The following ERC1 variants were observed in gnomAD, a reference collection of about 807,000 sequenced individuals.
ERC1 encodes the protein ELKS/RAB6-interacting/CAST family member 1.
A neutral mutation model predicts 132.0 loss-of-function variants in ERC1; 56 were observed. The observed-to-expected ratio is 0.42, with a 90% CI of 0.34 to 0.53. The LOEUF (loss-of-function observed/expected upper bound fraction) is 0.53. Among genes scored for constraint, ERC1 ranks in the 20% least tolerant of loss-of-function variants. ERC1 has a pLI of 0.03. For missense variants in ERC1, 1,202 were observed against 1,349.9 expected (o/e 0.89, Z 1.72); for synonymous variants, 478 against 476.1 (o/e 1.00, Z -0.05).
intron 17 of ERC1, among the ~76,000 whole-genome samples, chr12:1,437,228 A>G (rs1159499197): frequency 6.6e-6 from 1 of 152,136 alleles, no homozygotes; most frequent in African/African-American, 2.4e-5. Context: ...TTCAGCAGCC[A>G]TCCTTTCAGG....
At chr12:1,421,566 T>C (rs951518022) in intron 17 of ERC1, among the ~76,000 whole-genome samples, 1 of 151,622 alleles carries the variant, frequency 6.6e-6, no homozygotes, top group East Asian at 1.9e-4. Context: ...CCGAGTGGAG[T>C]CAGTTGGTTG....
intron 1 of ERC1, among the ~76,000 whole-genome samples, chr12:997,173 C>T (rs1207959488): frequency 6.6e-6 from 1 of 152,194 alleles, no homozygotes; most frequent in African/African-American, 2.4e-5. Context: ...GTTTTAGAAG[C>T]CTGTCAAGGG....
chr12:1,037,976 G>A lies in ERC1; in HGVS notation c.669+9404G>A, dbSNP rs555283207. 6.6e-5 allele frequency among the ~76,000 whole-genome samples: 10 copies of A among 151,750 alleles called. No homozygotes were observed. The South Asian group carries it at 1.5e-3, about 22-fold the overall frequency. On this transcript the variant is annotated intron_variant, in intron 2 of 18. Transcript: ENST00000360905. ...GGAGAATAGCGTGAACCCGGGAGGC[G>A]GCTCTTGCAGTGAGCCCGAGATTGC... is the stretch of plus-strand genomic sequence containing the variant.
intron 12 of ERC1, among the ~76,000 whole-genome samples, chr12:1,201,319 T>C (rs987309500): frequency 2.6e-5 from 4 of 152,240 alleles, no homozygotes. Context: ...ATGATGTGTC[T>C]TCTATCCTTG....
chr12:1,121,832 TCTC>T (rs1566014642), intron 7 of ERC1, among the ~76,000 whole-genome samples: 1 of 24,334 alleles, frequency 4.1e-5, no homozygotes, highest in Non-Finnish European at 1.1e-4. Context: ...TGTGTCTCTA[TCTC>T]TATCTATCTC....
At chr12:1,055,220 C>A (rs1972730821) in intron 2 of ERC1, among the ~76,000 whole-genome samples, 1 of 152,064 alleles carries the variant, frequency 6.6e-6, no homozygotes, top group African/African-American at 2.4e-5. Context: ...CACTCTATCA[C>A]CCAGGCTGGA....
At chr12:1,156,972 T>C (rs1342164739) in intron 8 of ERC1, among the ~76,000 whole-genome samples, 1 of 152,242 alleles carries the variant, frequency 6.6e-6, no homozygotes, top group Non-Finnish European at 1.5e-5. Context: ...GTTTTTTGTT[T>C]TTTGTTTTTA....
chr12:1,179,888 T>A (rs1954213056), intron 8 of ERC1, among the ~76,000 whole-genome samples: 1 of 152,140 alleles, frequency 6.6e-6, no homozygotes, highest in African/African-American at 2.4e-5. Context: ...TGCATGTAAG[T>A]GTATATGAAT....
chr12:1,317,168 G>GAAAAAAA (rs139637325), intron 15 of ERC1, among the ~76,000 whole-genome samples: 1 of 107,648 alleles, frequency 9.3e-6, no homozygotes. Context: ...TCTCAAAAAC[G>GAAAAAAA]AAAAAAAAAA....
chr12:1,067,963 G>A (rs1343716945), intron 2 of ERC1, among the ~76,000 whole-genome samples: 1 of 130,180 alleles, frequency 7.7e-6, no homozygotes, highest in African/African-American at 2.9e-5. Flanking sequence ...AGACAGAGTC[G>A]CTCTGTCGCC....
intron 1 of ERC1, among the ~76,000 whole-genome samples, chr12:1,016,635 CTT>C (rs397967271): frequency 1.2e-4 from 15 of 128,030 alleles, no homozygotes; most frequent in Middle Eastern, 4.4e-3. Context: ...CTTTTCTTTT[CTT>C]TTTTTTTTTT....
At chr12:1,019,246 C>T (rs996144481) in intron 1 of ERC1, among the ~76,000 whole-genome samples, 3 of 152,168 alleles carry the variant, frequency 2.0e-5, no homozygotes, top group African/African-American at 4.8e-5. Context: ...ACCTCAGCCT[C>T]CCAAGTAGTT....
chr12:1,445,788 C>G (rs539886062), intron 18 of ERC1, among the ~76,000 whole-genome samples: 11 of 152,288 alleles, frequency 7.2e-5, no homozygotes, highest in Non-Finnish European at 1.0e-4. Context: ...ACATTGCCAT[C>G]GGTTATTCCA....
intron 17 of ERC1, among the ~76,000 whole-genome samples, chr12:1,412,083 A>G (rs2091885681): frequency 6.6e-6 from 1 of 152,236 alleles, no homozygotes; most frequent in South Asian, 2.1e-4. Context: ...TTTCTATGAT[A>G]TGGTGTTTCC....
chr12:1,099,935 C>T (rs1454847498), intron 3 of ERC1, among the ~76,000 whole-genome samples: 5 of 145,080 alleles, frequency 3.4e-5, no homozygotes, highest in South Asian at 2.2e-4. Flanking sequence ...GCAACCTCCA[C>T]CTCCTGGGTT....
At chr12:1,282,215 G>A (rs112721168) in intron 14 of ERC1, among the ~76,000 whole-genome samples, 7 of 152,252 alleles carry the variant, frequency 4.6e-5, no homozygotes, top group African/African-American at 1.7e-4. Flanking sequence ...CGCTCAGTGT[G>A]TACAGCAGGA....
chr12:1,424,846 ATAGATAGATAGATAGATC>A (rs2092570257), intron 17 of ERC1, among the ~76,000 whole-genome samples: 3 of 109,520 alleles, frequency 2.7e-5, no homozygotes, highest in East Asian at 2.4e-4. Flanking sequence ...TAGATAGATG[ATAGATAGATAGATAGATC>A]GATAGATAGA....
intron 7 of ERC1, among the ~76,000 whole-genome samples, chr12:1,121,043 A>G (rs997408158): frequency 5.9e-5 from 9 of 152,348 alleles, no homozygotes; most frequent in African/African-American, 1.7e-4. Context: ...AAGAATATGT[A>G]TGATAATATC....
At chr12:1,456,590 G>A (rs2093541359) in intron 18 of ERC1, among the ~76,000 whole-genome samples, 1 of 151,840 alleles carries the variant, frequency 6.6e-6, no homozygotes, top group Non-Finnish European at 1.5e-5. Context: ...ATCTCTTCAA[G>A]GTAATTTTCT....
Sources: gnomAD v4.1 joint callset for allele counts (sites outside exome capture counted in the v4.1 genomes callset) on GRCh38, gnomAD v4.1.1 for gene constraint, MANE v1.5 for transcripts, NCBI Gene and HGNC (gene_info 2026-07-23, HGNC 2026-07-21) for gene names.